Variants in WNK1 observed in about 807,000 individuals in gnomAD.
WNK1 encodes the protein serine/threonine-protein kinase WNK1.
A neutral mutation model predicts 222.8 loss-of-function variants in WNK1; 38 were observed. That is an observed-to-expected ratio of 0.17 (90% confidence interval 0.13 to 0.22). The LOEUF is 0.22. Among genes scored for constraint, WNK1 ranks in the 10% least tolerant of loss-of-function variants. WNK1 has a pLI of 1.00. For synonymous variants in WNK1, 1,090 were observed against 1,092.9 expected (o/e 1.00, Z 0.05); for missense variants, 2,348 against 2,918.4 (o/e 0.80, Z 4.50).
chr12:770,808 G>A (rs564528662), intron 1 of WNK1, among the ~76,000 whole-genome samples: 4 of 152,112 alleles, frequency 2.6e-5, no homozygotes, highest in Non-Finnish European at 5.9e-5. Context: ...TTATTTGCCA[G>A]CATGTCCGGT....
chr12:813,002 A>T (rs148538931), intron 1 of WNK1, among the ~76,000 whole-genome samples: 8 of 152,144 alleles, frequency 5.3e-5, no homozygotes, highest in African/African-American at 7.2e-5. Flanking sequence ...AGGCTTTGGG[A>T]TGCCAAAGTA....
rs367847712 is a variant in WNK1, at chr12:909,201, C to T, written c.*409C>T. ...TGAATCCCTCACTCCCTCAAGAATC[C>T]GAACCACAGGACAAAAACCACCTAC... On this transcript the variant is annotated 3_prime_UTR_variant, in exon 28 of 28. Transcript: ENST00000315939. The T allele has an allele frequency of 1.2e-4, 25 of 213,202 alleles. No individual in the cohort carries two copies. Among genetic ancestry groups the T allele is most frequent in the East Asian group, 1.2e-3 (10 of 8,566 alleles). 13.2% of individuals were successfully genotyped at this position (213,202 alleles called of 1,614,324 possible).
chr12:762,679 G>A (rs1482382422), intron 1 of WNK1, among the ~76,000 whole-genome samples: 2 of 147,430 alleles, frequency 1.4e-5, no homozygotes, highest in Non-Finnish European at 3.0e-5. Flanking sequence ...AGGCATACAG[G>A]GGGAAGTGTA....
intron 25 of WNK1, among the ~76,000 whole-genome samples, chr12:898,361 T>C (rs572531823): frequency 6.6e-6 from 1 of 151,688 alleles, no homozygotes; most frequent in African/African-American, 2.4e-5. Flanking sequence ...CAGGCGCCTA[T>C]AGTCCCAGCT....
intron 4 of WNK1, among the ~76,000 whole-genome samples, chr12:856,454 G>A (rs1490881535): frequency 3.3e-5 from 4 of 120,766 alleles, no homozygotes; most frequent in East Asian, 6.0e-4. Context: ...ACTCCATCTC[G>A]AGGGAAAAAA....
chr12:861,017 A>C lies in WNK1; in HGVS notation c.1625A>C (p.Glu542Ala). Residue 542 changes from glutamate to alanine, a missense_variant, in exon 7 of 28, where the codon GAG becomes GCG. Transcript: ENST00000315939. ...VPEDVAQEMVESGYVCEGDHK... is the reference protein window; with the variant it reads ...VPEDVAQEMVASGYVCEGDHK... ...ATTTACCCTTTTATTCTGTAGGTAG[A>C]GTCTGGGTATGTCTGTGAAGGTGAT... is the stretch of plus-strand genomic sequence containing the variant. 1 of 1,613,392 alleles carries C rather than the reference A, an allele frequency of 6.2e-7. No individual in the cohort carries two copies. The highest frequency in any genetic ancestry group is 8.5e-7 in the Non-Finnish European group (1 of 1,179,858).
At chr12:771,661 C>T (rs1029696164) in intron 1 of WNK1, among the ~76,000 whole-genome samples, 3 of 152,076 alleles carry the variant, frequency 2.0e-5, no homozygotes, top group African/African-American at 7.2e-5. Context: ...TCTCGAACTC[C>T]TGACCTCAGG....
Position 879,980 on chromosome 12 carries a change from C to T in WNK1, c.2781C>T (p.Asn927=). The change falls in exon 11 of 28, where the codon AAC becomes AAT. Residue 927 remains asparagine, a synonymous_variant. Coordinates refer to ENST00000315939, the MANE Select transcript of WNK1 (RefSeq NM_018979.4). ...PAVQSMGIPA[N]LGQAAEVPLS... ...TTCAGTCCATGGGAATACCAGCTAA[C>T]CTTGGACAAGCTGCTGAGGTTCCAC... 1 of 1,614,194 alleles carries T rather than the reference C, an allele frequency of 6.2e-7. No homozygotes were observed. Among genetic ancestry groups the T allele is most frequent in the South Asian group, 1.1e-5 (1 of 91,078 alleles).
intron 1 of WNK1, among the ~76,000 whole-genome samples, chr12:760,148 A>C (rs1470699184): frequency 6.8e-6 from 1 of 148,080 alleles, no homozygotes; most frequent in Admixed American, 6.7e-5. Context: ...CCCAAATGCC[A>C]ATCTTTCTGA....
intron 9 of WNK1, among the ~76,000 whole-genome samples, chr12:875,020 C>T (rs1279946464): frequency 6.6e-6 from 1 of 152,018 alleles, no homozygotes; most frequent in Non-Finnish European, 1.5e-5. Context: ...AAGAATATTC[C>T]AGGCCAGAAG....
At chr12:863,516 GT>G (rs896216302) in intron 8 of WNK1, among the ~76,000 whole-genome samples, 14 of 150,880 alleles carry the variant, frequency 9.3e-5, no homozygotes, top group African/African-American at 2.9e-4. Context: ...ACCTTTAATT[GT>G]TTTTTTTCTG....
chr12:856,736 T>A (rs1161858207), intron 4 of WNK1, among the ~76,000 whole-genome samples: 1 of 152,244 alleles, frequency 6.6e-6, no homozygotes, highest in African/African-American at 2.4e-5. Context: ...CCTGCCAAAC[T>A]AAGCATGTGA....
intron 4 of WNK1, among the ~76,000 whole-genome samples, chr12:851,024 G>A (rs1434441688): frequency 1.3e-5 from 2 of 152,146 alleles, no homozygotes; most frequent in African/African-American, 2.4e-5. Flanking sequence ...GAGTAGTAAA[G>A]TAGTCTACCT....
chr12:894,329 C>T (rs1264904175), intron 22 of WNK1, among the ~76,000 whole-genome samples: 5 of 151,960 alleles, frequency 3.3e-5, no homozygotes, highest in Admixed American at 3.3e-4. Flanking sequence ...GCCTGTTAAC[C>T]TTTGTTTTTA....
chr12:843,593 A>T (rs952472781), intron 4 of WNK1, among the ~76,000 whole-genome samples: 12 of 152,228 alleles, frequency 7.9e-5, no homozygotes, highest in African/African-American at 2.9e-4. Flanking sequence ...GGGTTGAAGT[A>T]TATGAAGAAA....
At chr12:859,632 GT>G (rs1555131615) in intron 6 of WNK1, among the ~76,000 whole-genome samples, 168 bp downstream of exon 6, 20 of 122,648 alleles carry the variant, frequency 1.6e-4, no homozygotes, top group South Asian at 7.8e-4. Context: ...GTGTGTGTGT[GT>G]TTTTTTTTTT....
intron 1 of WNK1, among the ~76,000 whole-genome samples, chr12:775,538 C>T (rs1942989540): frequency 6.6e-6 from 1 of 152,024 alleles, no homozygotes; most frequent in Non-Finnish European, 1.5e-5. Context: ...AGCAAGACCT[C>T]ATCTCTGCAA....
intron 4 of WNK1, among the ~76,000 whole-genome samples, chr12:853,534 A>C (rs751010412): frequency 6.6e-6 from 1 of 152,216 alleles, no homozygotes; most frequent in Non-Finnish European, 1.5e-5. Context: ...GACAGGTGTT[A>C]TCATTATTGG....
chr12:841,248 G>A (rs1369892616), intron 4 of WNK1, among the ~76,000 whole-genome samples: 1 of 152,128 alleles, frequency 6.6e-6, no homozygotes, highest in Non-Finnish European at 1.5e-5. Flanking sequence ...ATACCAGTTA[G>A]CAGTCATTTC....
Sources: gnomAD v4.1 joint callset for allele counts (sites outside exome capture counted in the v4.1 genomes callset) on GRCh38, gnomAD v4.1.1 for gene constraint, MANE v1.5 for transcripts, NCBI Gene and HGNC (gene_info 2026-07-23, HGNC 2026-07-21) for gene names.